Variants in FOXP1 observed in about 807,000 individuals in gnomAD.
The protein encoded by FOXP1 is forkhead box protein P1.
A neutral mutation model predicts 98.2 loss-of-function variants in FOXP1; 15 were observed. That is an observed-to-expected ratio of 0.15 (90% CI 0.10 to 0.24). The LOEUF (loss-of-function observed/expected upper bound fraction) is 0.24, where lower values mean the gene tolerates loss of function less well. FOXP1 is among the 10% of genes least tolerant of loss of function. The pLI is 1.00. For synonymous variants in FOXP1, 371 were observed against 314.5 expected, an observed-to-expected ratio of 1.18 and a Z score of -1.90; for missense variants, 633 against 848.5, an observed-to-expected ratio of 0.75 and a Z score of 3.15.
intron 3 of FOXP1, among the ~76,000 whole-genome samples, chr3:71,408,804 T>C (rs1254738338): frequency 6.6e-6 from 1 of 152,174 alleles, no homozygotes; most frequent in Non-Finnish European, 1.5e-5. Context: ...CGGTTTCTAA[T>C]TACTAGGATG....
At chr3:71,180,002 C>A (rs1199893925) in intron 6 of FOXP1, among the ~76,000 whole-genome samples, 1 of 152,170 alleles carries the variant, frequency 6.6e-6, no homozygotes, top group Non-Finnish European at 1.5e-5. Context: ...TTTGTAGGCA[C>A]TGGTGGAGTG....
chr3:71,393,089 G>A (rs1314610513), intron 3 of FOXP1, among the ~76,000 whole-genome samples: 1 of 152,038 alleles, frequency 6.6e-6, no homozygotes, highest in Non-Finnish European at 1.5e-5. Context: ...AAAAATGTAG[G>A]TATAAGCAAT....
At chr3:71,424,264 A>G (rs1011662769) in intron 3 of FOXP1, among the ~76,000 whole-genome samples, 1 of 152,188 alleles carries the variant, frequency 6.6e-6, no homozygotes, top group Non-Finnish European at 1.5e-5. Context: ...TCTGCAGTCA[A>G]ACAGGGAAGA....
chr3:71,371,612 T>G (rs545091664), intron 3 of FOXP1, among the ~76,000 whole-genome samples: 11 of 152,164 alleles, frequency 7.2e-5, no homozygotes, highest in African/African-American at 2.7e-4. Flanking sequence ...ACGGCAAGAT[T>G]CCATTACAAT....
At chr3:71,301,957 G>C (rs2107570461) in intron 4 of FOXP1, among the ~76,000 whole-genome samples, 1 of 152,136 alleles carries the variant, frequency 6.6e-6, no homozygotes, top group East Asian at 1.9e-4. Flanking sequence ...TTATACAACT[G>C]ACCATCCAAT....
In FOXP1 at chr3:71,041,655, GT is replaced by G. The variant is rs1011979206; in HGVS notation, c.665-124del. ...TTAGGGGGGTTTTTCGGTGTGTGCA[GT>G]TTTTTTTCCCCTCCCAACTACGGCA... On this transcript the variant is annotated intron_variant, in intron 10 of 20. Coordinates refer to ENST00000649528, the MANE Select transcript of FOXP1 (RefSeq NM_001349338.3). 6.9e-5 allele frequency: 64 copies of G among 922,494 alleles called. 1 individual carries two copies. The highest frequency in any genetic ancestry group is 2.4e-4 in the Admixed American group (12 of 49,868). The allele number at this position is 922,494 out of a possible 1,614,324, so 57.1% of individuals were successfully genotyped here. A position where few individuals can be genotyped will look rare whatever the true frequency, so the allele number is the denominator to read the frequency against.
chr3:71,548,612 T>C (rs138056482), intron 2 of FOXP1, among the ~76,000 whole-genome samples: 4 of 152,284 alleles, frequency 2.6e-5, no homozygotes, highest in African/African-American at 9.6e-5. Flanking sequence ...TTGCCCAGGC[T>C]GGTCTCAAAC....
chr3:71,444,153 A>G (rs780069207), intron 3 of FOXP1, among the ~76,000 whole-genome samples: 1 of 152,108 alleles, frequency 6.6e-6, no homozygotes, highest in Non-Finnish European at 1.5e-5. Context: ...GCCTGCGCCA[A>G]CCACAGCTTA....
At chr3:71,167,206 C>T (rs1372930901) in intron 6 of FOXP1, among the ~76,000 whole-genome samples, 6 of 152,022 alleles carry the variant, frequency 3.9e-5, no homozygotes, top group African/African-American at 1.2e-4. Context: ...TGGAGAAGCC[C>T]GGCTGGACCG....
chr3:71,547,251 G>C (rs1475371573), intron 2 of FOXP1, among the ~76,000 whole-genome samples: 1 of 152,020 alleles, frequency 6.6e-6, no homozygotes, highest in Admixed American at 6.5e-5. Context: ...CACTGTGAGG[G>C]GTCTGCCTGC....
chr3:71,157,115 C>T (rs987262092), intron 6 of FOXP1, among the ~76,000 whole-genome samples: 1 of 152,232 alleles, frequency 6.6e-6, no homozygotes, highest in African/African-American at 2.4e-5. Context: ...TTAATTAAAT[C>T]AAGTGGCTTC....
chr3:71,295,321 C>A (rs2073173674), intron 5 of FOXP1, among the ~76,000 whole-genome samples: 1 of 152,166 alleles, frequency 6.6e-6, no homozygotes, highest in Non-Finnish European at 1.5e-5. Flanking sequence ...ATGTTCAAAT[C>A]ACTCACATAT....
At chr3:71,041,665 C>T (rs894796066) in intron 10 of FOXP1, 133 bp from the exon 11 acceptor site, 11 of 812,150 alleles carry the variant, frequency 1.4e-5, no homozygotes, top group South Asian at 1.2e-4. Context: ...GTTTTTTTTC[C>T]CCTCCCAACT....
At chr3:71,254,082 A>G (rs968718506) in intron 5 of FOXP1, among the ~76,000 whole-genome samples, 1 of 152,240 alleles carries the variant, frequency 6.6e-6, no homozygotes, top group Admixed American at 6.5e-5. Context: ...ATAATCTGTC[A>G]ACCACATAAA....
chr3:71,171,261 GAC>G (rs1187166500), intron 6 of FOXP1, among the ~76,000 whole-genome samples: 1 of 152,122 alleles, frequency 6.6e-6, no homozygotes, highest in South Asian at 2.1e-4. Context: ...AAACCAGAGA[GAC>G]ATATAGATAA....
At chr3:71,053,797 T>C (rs775418820) in intron 7 of FOXP1, 24 bp from the exon 8 acceptor site, 12 of 1,613,594 alleles carry the variant, frequency 7.4e-6, no homozygotes, top group Admixed American at 5.0e-5. Context: ...GAAGGATAAA[T>C]AGGAAGCCAG....
Position 71,421,512 on chromosome 3 carries a change from T to G in FOXP1, c.-167-62268A>C, listed in dbSNP as rs1332151702. Among the ~76,000 whole-genome samples the G allele has an allele frequency of 2.0e-5, 3 of 152,200 alleles. No individual in the cohort carries two copies. The East Asian group carries it at 5.8e-4, about 29-fold the overall frequency. On this transcript the variant is annotated intron_variant, in intron 3 of 20. Transcript: ENST00000649528. ...TGAATTTATATAATTTGACATTTTT[T>G]TCAAAGAAGCATAAATTGTGTGAGG...
chr3:71,078,044 C>T (rs2054004718), intron 7 of FOXP1, among the ~76,000 whole-genome samples: 1 of 152,178 alleles, frequency 6.6e-6, no homozygotes, highest in Non-Finnish European at 1.5e-5. Flanking sequence ...GTCTGTCAGG[C>T]TGCTCTCGAA....
intron 3 of FOXP1, among the ~76,000 whole-genome samples, chr3:71,422,248 C>T (rs959521840): frequency 6.6e-6 from 1 of 152,204 alleles, no homozygotes; most frequent in African/African-American, 2.4e-5. Context: ...GCAACAGCAT[C>T]AGCATAAACA....
Sources: allele counts gnomAD v4.1 joint callset (sites outside exome capture counted in the v4.1 genomes callset), GRCh38; gene constraint gnomAD v4.1.1; transcripts MANE v1.5; gene names NCBI Gene and HGNC (gene_info 2026-07-23, HGNC 2026-07-21).